ARID4A: variants seen among roughly 807,000 people sequenced by gnomAD.
ARID4A encodes AT-rich interaction domain 4A.
ARID4A carries 39 observed loss-of-function variants against 148.6 expected under a neutral mutation model. The ratio of observed to expected loss-of-function variants is 0.26; its 90% CI spans 0.20 to 0.34. The LOEUF (loss-of-function observed/expected upper bound fraction) is 0.34. Among genes scored for constraint, ARID4A ranks in the 10% least tolerant of loss-of-function variants. The probability of loss-of-function intolerance (pLI) is 1.00; values close to 1 mark genes in which losing one functional copy is unlikely to be tolerated. For missense variants in ARID4A, 1,265 were observed against 1,449.1 expected (o/e 0.87, Z 2.06); for synonymous variants, 475 against 481.2 (o/e 0.99, Z 0.17).
chr14:58,326,512 G>C (rs960263947), intron 8 of ARID4A, among the ~76,000 whole-genome samples: 1 of 152,200 alleles, frequency 6.6e-6, no homozygotes, highest in Non-Finnish European at 1.5e-5. Flanking sequence ...TATTAGATGC[G>C]AGTGGGGGAA....
rs1209084346 is a variant in ARID4A, at chr14:58,351,252, A to C, written c.1584A>C (p.Lys528Asn). Residue 528 changes from lysine to asparagine, a missense_variant, in exon 16 of 24, where the codon AAA (lysine) becomes AAC (asparagine). Coordinates refer to ENST00000355431, the MANE Select transcript of ARID4A (RefSeq NM_002892.4). ...LLGRKNTPKQ[K>N]EKKIKKQEDS... ...GGAGAAAAAATACACCAAAGCAAAA[A>C]GAGAAGAAAATTAAAAAACAGGAGG... The C allele has an allele frequency of 6.2e-7, 1 of 1,611,418 alleles. No homozygotes were observed. The highest frequency in any genetic ancestry group is 8.5e-7 in the Non-Finnish European group (1 of 1,179,550).
chr14:58,345,882 C>T (rs1438050122), intron 12 of ARID4A, among the ~76,000 whole-genome samples: 3 of 151,648 alleles, frequency 2.0e-5, no homozygotes, highest in East Asian at 3.9e-4. Context: ...AGGTGCACAC[C>T]ACCACACTCA....
At chr14:58,357,281 C>T (rs560451380) in intron 17 of ARID4A, among the ~76,000 whole-genome samples, 3 of 152,216 alleles carry the variant, frequency 2.0e-5, no homozygotes, top group South Asian at 2.1e-4. Context: ...ATGCATTTTT[C>T]GACAGGATAT....
At chr14:58,326,797 C>T (rs1183738877) in intron 8 of ARID4A, among the ~76,000 whole-genome samples, 2 of 152,148 alleles carry the variant, frequency 1.3e-5, no homozygotes, top group Admixed American at 6.5e-5. Flanking sequence ...TTAAGCTTTT[C>T]CTGCCACACC....
rs529774040 is a variant in ARID4A at position 58,360,062 on chromosome 14, T to C, written c.1939-839T>C. On this transcript the variant is annotated intron_variant, in intron 18 of 23. Transcript: ENST00000355431. ...GCCTGGGCGACAGAGCAAGACTCCG[T>C]CTCAAAAAAAAAAAAAAAAATCTTG... is the stretch of plus-strand genomic sequence containing the variant. Among the ~76,000 whole-genome samples, 733 of 134,716 alleles carry C rather than the reference T, an allele frequency of 5.4e-3. 5 individuals are homozygous for C. The highest frequency in any genetic ancestry group is 0.019 in the African/African-American group (704 of 37,366). The allele number at this position is 134,716 out of a possible 152,430, so 88.4% of individuals were successfully genotyped here.
At chr14:58,317,033 A>G (rs2032470171) in intron 5 of ARID4A, among the ~76,000 whole-genome samples, 1 of 150,842 alleles carries the variant, frequency 6.6e-6, no homozygotes, top group South Asian at 2.1e-4. Context: ...TCTACTAAAA[A>G]TACAAAAATA....
At chr14:58,299,578 C>G (rs1594853103) in intron 1 of ARID4A, 2 of 549,762 alleles carry the variant, frequency 3.6e-6, no homozygotes, top group South Asian at 4.3e-5. Context: ...GCGCGGTGGG[C>G]CGCTGGCGAG....
At chr14:58,299,551 T>C (rs1419739099) in intron 1 of ARID4A, 2 of 513,174 alleles carry the variant, frequency 3.9e-6, no homozygotes, top group Admixed American at 3.2e-5. Flanking sequence ...CGGGTCAAAG[T>C]GGCCAGCGAG....
At chr14:58,362,810 A>G (rs991449960) in intron 19 of ARID4A, among the ~76,000 whole-genome samples, 6 of 152,190 alleles carry the variant, frequency 3.9e-5, no homozygotes, top group African/African-American at 1.4e-4. Context: ...TACCCGCCTC[A>G]GCGTCCTGAA....
chr14:58,320,784 T>C lies in ARID4A; in HGVS notation c.449+1979T>C, dbSNP rs1400201912. On this transcript the variant is annotated intron_variant, in intron 7 of 23. Coordinates refer to ENST00000355431, the MANE Select transcript of ARID4A (RefSeq NM_002892.4). ...CACGACGCCTGGCTAATTTTTTGTA[T>C]TTTTAGTAGAGACGGGATTTCACTG... Among the ~76,000 whole-genome samples, 3 of 152,146 alleles carry C rather than the reference T, an allele frequency of 2.0e-5. No individual in the cohort carries two copies. In the East Asian group the frequency reaches 5.8e-4, roughly 29 times the overall value.
intron 19 of ARID4A, among the ~76,000 whole-genome samples, chr14:58,363,854 G>A (rs1207891731): frequency 6.6e-6 from 1 of 152,090 alleles, no homozygotes; most frequent in Non-Finnish European, 1.5e-5. Flanking sequence ...AGGATGTCTA[G>A]GTACTAATCT....
At chr14:58,329,476 T>G (rs1647766717) in intron 9 of ARID4A, 52 bp from the exon 10 acceptor site, 1 of 1,185,568 alleles carries the variant, frequency 8.4e-7, no homozygotes, top group Non-Finnish European at 1.3e-6. Context: ...ACTATTTAAG[T>G]GATAATTTTT....
chr14:58,366,408 A>G (rs758684166), intron 22 of ARID4A, among the ~76,000 whole-genome samples, 178 bp downstream of exon 22: 27 of 152,218 alleles, frequency 1.8e-4, no homozygotes, highest in Non-Finnish European at 3.8e-4. Context: ...GTGTCTTTTC[A>G]TAAAACTGAC....
chr14:58,354,451 G>A (rs987308756), intron 17 of ARID4A, among the ~76,000 whole-genome samples: 1 of 152,154 alleles, frequency 6.6e-6, no homozygotes, highest in Non-Finnish European at 1.5e-5. Flanking sequence ...GGGAGGTGGA[G>A]GCGGAAGGAC....
chr14:58,298,784 A>C (rs2030790803), intron 1 of ARID4A, 84 bp downstream of exon 1: 1 of 152,248 alleles, frequency 6.6e-6, no homozygotes, highest in Non-Finnish European at 1.5e-5. Context: ...GTCCCGGTGC[A>C]GTTGGAAGCT....
intron 3 of ARID4A, chr14:58,303,450 C>A (rs1032280665): frequency 4.5e-6 from 2 of 447,334 alleles, no homozygotes; most frequent in African/African-American, 2.0e-5. Flanking sequence ...TTTTACTGTG[C>A]CAGTCATAAA....
chr14:58,351,008 AT>A (rs1000302568), intron 15 of ARID4A, 64 bp from the exon 16 acceptor site: 30 of 1,485,432 alleles, frequency 2.0e-5, no homozygotes, highest in Non-Finnish European at 2.7e-5. Flanking sequence ...AGGAAAAGAT[AT>A]TTTTTCCTGC....
In ARID4A at chr14:58,365,255, G is replaced by A; in HGVS notation, c.3166G>A (p.Gly1056Ser). The change falls in exon 20 of 24, where the codon GGT becomes AGT. Residue 1056 changes from glycine (G) to serine (S), a missense_variant. Coordinates refer to ENST00000355431, the MANE Select transcript of ARID4A (RefSeq NM_002892.4). ...ANGFETNVAS[G>S]TCSIIVQERE... ...TGGATTTGAAACTAATGTTGCCTCT[G>A]GTACCTGTAGTATAATTGTACAAGA... The A allele has an allele frequency of 6.2e-7, 1 of 1,613,952 alleles. No individual in the cohort carries two copies. The highest frequency in any genetic ancestry group is 8.5e-7 in the Non-Finnish European group (1 of 1,179,928).
chr14:58,312,279 C>T (rs1255250872), intron 5 of ARID4A, among the ~76,000 whole-genome samples: 1 of 149,970 alleles, frequency 6.7e-6, no homozygotes, highest in Non-Finnish European at 1.5e-5. Flanking sequence ...AGCAGTGGCG[C>T]GATCTTGGCT....
Sources: gnomAD v4.1 joint callset for allele counts (sites outside exome capture counted in the v4.1 genomes callset) on GRCh38, gnomAD v4.1.1 for gene constraint, MANE v1.5 for transcripts, NCBI Gene and HGNC (gene_info 2026-07-23, HGNC 2026-07-21) for gene names.